The following ZNF438 variants were observed in gnomAD, a reference collection of about 807,000 sequenced individuals.
ZNF438 encodes the protein zinc finger protein 438.
Under a neutral mutation model 38.0 loss-of-function variants are expected in ZNF438, and 25 were observed. The observed-to-expected ratio is 0.66, with a 90% CI of 0.48 to 0.92. The LOEUF (loss-of-function observed/expected upper bound fraction) is 0.92. Among genes scored for constraint, ZNF438 ranks in the 40% least tolerant of loss-of-function variants. ZNF438 has a pLI of 0.00. For synonymous variants in ZNF438, 372 were observed against 364.1 expected (o/e 1.02, Z -0.25); for missense variants, 1,007 against 999.6 (o/e 1.01, Z -0.10).
intron 1 of ZNF438, among the ~76,000 whole-genome samples, chr10:31,000,679 G>T (rs1457348116): frequency 2.6e-5 from 4 of 151,894 alleles, no homozygotes; most frequent in African/African-American, 4.8e-5. Flanking sequence ...CATATGGTTG[G>T]CTGGCCAGAA....
intron 1 of ZNF438, among the ~76,000 whole-genome samples, chr10:31,002,745 G>A (rs1033722479): frequency 3.9e-5 from 6 of 152,080 alleles, no homozygotes; most frequent in African/African-American, 7.2e-5. Flanking sequence ...ATAACAATAC[G>A]GAGAAGAGAG....
intron 1 of ZNF438, among the ~76,000 whole-genome samples, chr10:31,006,819 T>C (rs1383842303): frequency 4.0e-5 from 6 of 151,488 alleles, no homozygotes; most frequent in Admixed American, 4.0e-4. Context: ...AAAAGTCTTC[T>C]GTGTTGATTG....
chr10:30,936,643 C>T (rs1255720210), intron 2 of ZNF438, among the ~76,000 whole-genome samples: 10 of 152,074 alleles, frequency 6.6e-5, no homozygotes, highest in Admixed American at 2.0e-4. Context: ...CATCGCACTC[C>T]AGCCTAGGGG....
At chr10:30,986,530 C>T (rs1383593891) in intron 1 of ZNF438, among the ~76,000 whole-genome samples, 1 of 152,206 alleles carries the variant, frequency 6.6e-6, no homozygotes, top group Non-Finnish European at 1.5e-5. Context: ...GTCATGCACT[C>T]AGTTGAATGC....
At chr10:30,929,582 A>G (rs2135229756) in intron 2 of ZNF438, among the ~76,000 whole-genome samples, 1 of 152,324 alleles carries the variant, frequency 6.6e-6, no homozygotes, top group East Asian at 1.9e-4. Context: ...TTTCACAAAC[A>G]AAGTACGGAA....
intron 4 of ZNF438, among the ~76,000 whole-genome samples, chr10:30,867,594 C>T (rs758344358): frequency 6.6e-6 from 1 of 152,124 alleles, no homozygotes; most frequent in Non-Finnish European, 1.5e-5. Context: ...AGTCTGAGAA[C>T]AACTGAATTA....
At chr10:30,956,238 C>G (rs978885705) in intron 1 of ZNF438, among the ~76,000 whole-genome samples, 1 of 152,054 alleles carries the variant, frequency 6.6e-6, no homozygotes, top group Non-Finnish European at 1.5e-5. Context: ...ATAAAAAATA[C>G]CAATGTGAGA....
chr10:30,872,351 G>A (rs755173956), intron 4 of ZNF438, among the ~76,000 whole-genome samples: 2 of 145,062 alleles, frequency 1.4e-5, no homozygotes, highest in African/African-American at 2.5e-5. Flanking sequence ...ACTTGAACCC[G>A]GGAGGTGGAG....
At chr10:30,921,465 A>G (rs143673776) in intron 2 of ZNF438, among the ~76,000 whole-genome samples, 1 of 152,226 alleles carries the variant, frequency 6.6e-6, no homozygotes, top group African/African-American at 2.4e-5. Context: ...CACTGAATGA[A>G]ATCTGAGGCC....
chr10:30,955,501 C>T (rs539252185), intron 1 of ZNF438, among the ~76,000 whole-genome samples: 19 of 152,318 alleles, frequency 1.2e-4, no homozygotes, highest in East Asian at 5.8e-4. Flanking sequence ...CTCTAGAAGC[C>T]GGAAGCCACA....
chr10:30,956,971 G>GT (rs1013011630), intron 1 of ZNF438, among the ~76,000 whole-genome samples: 6 of 152,148 alleles, frequency 3.9e-5, no homozygotes, highest in African/African-American at 1.4e-4. Flanking sequence ...CTTCCATGCT[G>GT]TTTTTTATTA....
rs772048434 is a variant in ZNF438, at chr10:30,958,627, T to TAG, written c.-191-16978_-191-16977dup. 2.6e-4 allele frequency among the ~76,000 whole-genome samples: 38 copies of TAG among 147,126 alleles called. 5 individuals are homozygous for TAG. Among genetic ancestry groups the TAG allele is most frequent in the Non-Finnish European group, 4.6e-5 (3 of 64,868 alleles). On this transcript the variant is annotated intron_variant, in intron 1 of 5. Transcript: ENST00000413025. ...GTTCAATGACGTTTTAGTCCATTTA[T>TAG]AGAGGACCAGAATGTACTAAATGGA...
At chr10:30,874,226 G>A (rs2038061861) in intron 4 of ZNF438, among the ~76,000 whole-genome samples, 1 of 149,398 alleles carries the variant, frequency 6.7e-6, no homozygotes, top group Non-Finnish European at 1.5e-5. Flanking sequence ...ATAGCTCACT[G>A]CAGCCTCAAA....
At chr10:30,860,189 TC>T (rs2035344890) in intron 4 of ZNF438, among the ~76,000 whole-genome samples, 1 of 152,192 alleles carries the variant, frequency 6.6e-6, no homozygotes, top group Admixed American at 6.5e-5. Flanking sequence ...CCAGAGAGGG[TC>T]CTGCCTCATA....
chr10:30,947,485 TG>T (rs1343437135), intron 1 of ZNF438, among the ~76,000 whole-genome samples: 1 of 152,266 alleles, frequency 6.6e-6, no homozygotes, highest in Non-Finnish European at 1.5e-5. Flanking sequence ...TTTGTTTGTC[TG>T]TGCCCTGCCC....
intron 1 of ZNF438, among the ~76,000 whole-genome samples, chr10:31,010,214 A>C (rs1276497900): frequency 6.6e-6 from 1 of 152,238 alleles, no homozygotes; most frequent in Non-Finnish European, 1.5e-5. Flanking sequence ...AACATGGCTA[A>C]AAGAAAAAAT....
intron 3 of ZNF438, among the ~76,000 whole-genome samples, chr10:30,884,856 G>A (rs2039741710): frequency 6.6e-6 from 1 of 152,178 alleles, no homozygotes; most frequent in Admixed American, 6.5e-5. Context: ...TCTTTGTTAT[G>A]CTGCTTTGTT....
intron 1 of ZNF438, among the ~76,000 whole-genome samples, chr10:31,013,774 T>C (rs1564849345): frequency 6.6e-6 from 1 of 152,174 alleles, no homozygotes; most frequent in Non-Finnish European, 1.5e-5. Flanking sequence ...ACATAAATGC[T>C]TACATTTCTC....
intron 1 of ZNF438, among the ~76,000 whole-genome samples, chr10:30,950,396 A>C (rs2048023044): frequency 1.4e-5 from 2 of 147,282 alleles, no homozygotes; most frequent in African/African-American, 2.5e-5. Flanking sequence ...AATAACTAAA[A>C]TCAGAGCAGA....
Sources: gnomAD v4.1 joint callset for allele counts (sites outside exome capture counted in the v4.1 genomes callset) on GRCh38, gnomAD v4.1.1 for gene constraint, MANE v1.5 for transcripts, NCBI Gene and HGNC (gene_info 2026-07-23, HGNC 2026-07-21) for gene names.